CNTN3: variants seen among roughly 807,000 people sequenced by gnomAD.
CNTN3 encodes the protein contactin-3.
In CNTN3, 60 loss-of-function variants were observed where a neutral mutation model predicts 119.1. The ratio of observed to expected loss-of-function variants is 0.50; its 90% CI spans 0.41 to 0.62. CNTN3 has a LOEUF of 0.62. CNTN3 is among the 20% of genes least tolerant of loss of function. The probability of loss-of-function intolerance (pLI) is 0.00; values close to 1 mark genes in which losing one functional copy is unlikely to be tolerated. For missense variants in CNTN3, 1,101 were observed against 1,242.4 expected (o/e 0.89, Z 1.71); for synonymous variants, 450 against 438.7 (o/e 1.03, Z -0.32).
At chr3:74,412,516 G>C (rs1440053152) in intron 5 of CNTN3, among the ~76,000 whole-genome samples, 2 of 152,078 alleles carry the variant, frequency 1.3e-5, no homozygotes, top group Non-Finnish European at 2.9e-5. Flanking sequence ...GATTTTTAAA[G>C]ACTTTATAAA....
At chr3:74,401,219 A>G (rs1422840779) in intron 5 of CNTN3, among the ~76,000 whole-genome samples, 1 of 152,170 alleles carries the variant, frequency 6.6e-6, no homozygotes, top group African/African-American at 2.4e-5. Context: ...GGAAGAGCCA[A>G]CTTAATTTAC....
intron 2 of CNTN3, among the ~76,000 whole-genome samples, chr3:74,512,888 A>G (rs1045244129): frequency 5.8e-5 from 7 of 120,896 alleles, no homozygotes; most frequent in African/African-American, 1.5e-4. Context: ...CGTTTTGTAC[A>G]TATGTCTGAG....
At chr3:74,311,864 G>A (rs1702692193) in intron 13 of CNTN3, among the ~76,000 whole-genome samples, 2 of 152,202 alleles carry the variant, frequency 1.3e-5, no homozygotes, top group Non-Finnish European at 2.9e-5. Flanking sequence ...CAGACAGGTG[G>A]ATACAGATAA....
intron 4 of CNTN3, among the ~76,000 whole-genome samples, chr3:74,431,861 A>C (rs947857868): frequency 7.9e-5 from 12 of 152,208 alleles, no homozygotes; most frequent in Non-Finnish European, 1.5e-4. Context: ...TGATCACAGC[A>C]TGAAGAGCGA....
At chr3:74,465,910 C>T (rs1702452266) in intron 4 of CNTN3, among the ~76,000 whole-genome samples, 1 of 151,998 alleles carries the variant, frequency 6.6e-6, no homozygotes, top group Non-Finnish European at 1.5e-5. Context: ...CAGAATGAGG[C>T]CAATAGAGAA....
chr3:74,586,296 A>G (rs1704591185), intron 1 of CNTN3, among the ~76,000 whole-genome samples: 1 of 152,146 alleles, frequency 6.6e-6, no homozygotes, highest in African/African-American at 2.4e-5. Flanking sequence ...AAAAATATAA[A>G]GTCATTAATA....
At chr3:74,428,766 T>C (rs1701737089) in intron 4 of CNTN3, among the ~76,000 whole-genome samples, 1 of 152,186 alleles carries the variant, frequency 6.6e-6, no homozygotes, top group African/African-American at 2.4e-5. Context: ...CACCGCTCAC[T>C]CACCAGTTCA....
chr3:74,445,811 A>G (rs1702039731), intron 4 of CNTN3, among the ~76,000 whole-genome samples: 1 of 152,176 alleles, frequency 6.6e-6, no homozygotes, highest in Admixed American at 6.5e-5. Context: ...GTGTTTAAAG[A>G]AAACAGATGG....
rs185356296 is a variant in CNTN3, at chr3:74,490,250, C to T, written c.183-3619G>A. Among the ~76,000 whole-genome samples the T allele has an allele frequency of 1.5e-3, 221 of 152,236 alleles. 2 individuals are homozygous for T. The highest frequency in any genetic ancestry group is 4.1e-4 in the South Asian group (2 of 4,824). ...TTACTAAGTGACTAAATGCTTGCAGCGGGAAAAGCTCCTCTAAACCCAAAT... is the reference window on the plus strand; with the variant it reads ...TTACTAAGTGACTAAATGCTTGCAGTGGGAAAAGCTCCTCTAAACCCAAAT... On this transcript the variant is annotated intron_variant, in intron 3 of 22. Transcript: ENST00000263665.
intron 2 of CNTN3, among the ~76,000 whole-genome samples, chr3:74,506,750 A>AAC (rs67712851): frequency 0.77 from 112,739 of 147,148 alleles, 43,483 homozygotes; most frequent in Middle Eastern, 0.85. Flanking sequence ...AAAAAAAAAA[A>AAC]AACAACACTT....
chr3:74,370,776 T>C (rs1704315278), intron 6 of CNTN3, among the ~76,000 whole-genome samples: 1 of 152,138 alleles, frequency 6.6e-6, no homozygotes, highest in Non-Finnish European at 1.5e-5. Flanking sequence ...ATGGTTTCTT[T>C]AGTGATGATT....
rs1442344560 is a variant in CNTN3, at chr3:74,424,199, A to C, written c.454+646T>G. On this transcript the variant is annotated intron_variant, in intron 5 of 22. Coordinates refer to ENST00000263665, the MANE Select transcript of CNTN3 (RefSeq NM_020872.3). Reference sequence around the variant, plus strand: ...GATAGGAAAATCAAACCAGCACCCCAGGCTCATACTGGGGAGATAATAAAA... The same window carrying C: ...GATAGGAAAATCAAACCAGCACCCCCGGCTCATACTGGGGAGATAATAAAA... 2.0e-5 allele frequency among the ~76,000 whole-genome samples: 3 copies of C among 152,206 alleles called. No individual in the cohort carries two copies. In the East Asian group the frequency reaches 5.8e-4, roughly 29 times the overall value.
chr3:74,597,962 A>C (rs1336314924), intron 1 of CNTN3, among the ~76,000 whole-genome samples: 1 of 152,042 alleles, frequency 6.6e-6, no homozygotes, highest in Non-Finnish European at 1.5e-5. Context: ...GTATCTTGCA[A>C]GCTTCTAGAA....
At chr3:74,609,290 T>C (rs56127678) in intron 1 of CNTN3, among the ~76,000 whole-genome samples, 1 of 152,196 alleles carries the variant, frequency 6.6e-6, no homozygotes, top group Admixed American at 6.5e-5. Flanking sequence ...CATGGATTAA[T>C]ACAGCACTGC....
chr3:74,333,989 C>A lies in CNTN3; in HGVS notation c.1668+746G>T, dbSNP rs749053418. Among the ~76,000 whole-genome samples, 18 of 152,282 alleles carry A rather than the reference C, an allele frequency of 1.2e-4. No individual in the cohort carries two copies. The South Asian group carries it at 3.3e-3, about 28-fold the overall frequency. On this transcript the variant is annotated intron_variant, in intron 13 of 22. Transcript: ENST00000263665. ...AGTCCTACAAGGGAAGCTAGCTTTG[C>A]AATTCCAGATTCATAAACATGCTGT...
In CNTN3 at chr3:74,610,468, T is replaced by A. The variant is rs548056194; in HGVS notation, c.-81+3923A>T. 7.9e-5 allele frequency among the ~76,000 whole-genome samples: 12 copies of A among 152,272 alleles called. No individual in the cohort carries two copies. In the East Asian group the frequency reaches 2.1e-3, roughly 27 times the overall value. ...AACATAGGAAAGAGCTCAACACATC[T>A]GCAGAAATGAAAAAGGGTCTAAGAA... is the stretch of plus-strand genomic sequence containing the variant. On this transcript the variant is annotated intron_variant, in intron 1 of 22. Transcript: ENST00000263665.
In CNTN3 at chr3:74,299,903, C is replaced by T. The variant is rs1361500708; in HGVS notation, c.2131G>A (p.Gly711Ser). 1 of 1,606,250 alleles carries T rather than the reference C, an allele frequency of 6.2e-7. No homozygotes were observed. The highest frequency in any genetic ancestry group is 1.3e-5 in the African/African-American group (1 of 74,888). ...ATCACAAGTTCAGACCGGCTTCCGCCTCCTCCATTGACTTCAGAAGGAGGC... is the reference window on the plus strand; with the variant it reads ...ATCACAAGTTCAGACCGGCTTCCGCTTCCTCCATTGACTTCAGAAGGAGGC... ...EVPPSEVNGG[G>S]GSRSELVITW... is the part of the protein sequence containing the mutation. Residue 711 changes from glycine to serine, a missense_variant, in exon 17 of 23, where the codon GGC becomes AGC. Transcript: ENST00000263665.
chr3:74,492,352 A>T (rs982667795), intron 3 of CNTN3, among the ~76,000 whole-genome samples: 1 of 152,186 alleles, frequency 6.6e-6, no homozygotes, highest in Non-Finnish European at 1.5e-5. Flanking sequence ...TTACTGGCCT[A>T]CTTAAGGGAG....
chr3:74,474,268 T>C (rs980514241), intron 4 of CNTN3, among the ~76,000 whole-genome samples: 1 of 152,070 alleles, frequency 6.6e-6, no homozygotes, highest in African/African-American at 2.4e-5. Context: ...GGCTCTCAGT[T>C]TGGATCTGAA....
Sources: gnomAD v4.1 joint callset for allele counts (sites outside exome capture counted in the v4.1 genomes callset) on GRCh38, gnomAD v4.1.1 for gene constraint, MANE v1.5 for transcripts, NCBI Gene and HGNC (gene_info 2026-07-23, HGNC 2026-07-21) for gene names.